GABPB1: variants seen among roughly 807,000 people sequenced by gnomAD.
GABPB1 encodes GA binding protein transcription factor subunit beta 1, also known as GA-binding protein subunit beta-1.
In GABPB1, 15 loss-of-function variants were observed where a neutral mutation model predicts 45.9. The ratio of observed to expected loss-of-function variants is 0.33; its 90% CI spans 0.22 to 0.50. The LOEUF is 0.50. Among genes scored for constraint, GABPB1 ranks in the 20% least tolerant of loss-of-function variants. The pLI is 0.98. For missense variants in GABPB1, 252 were observed against 457.5 expected (o/e 0.55, Z 4.10); for synonymous variants, 143 against 154.4 (o/e 0.93, Z 0.55).
intron 8 of GABPB1, chr15:50,282,236 C>T: frequency 2.2e-6 from 1 of 451,256 alleles, no homozygotes; most frequent in Middle Eastern, 3.3e-4. Flanking sequence ...TACATACATA[C>T]ATAAAAACAC....
At chr15:50,325,159 T>A (rs2047705478) in intron 1 of GABPB1, among the ~76,000 whole-genome samples, 1 of 152,112 alleles carries the variant, frequency 6.6e-6, no homozygotes, top group Admixed American at 6.6e-5. Context: ...TTTGAGAGTG[T>A]CAGGATGAAA....
intron 2 of GABPB1, among the ~76,000 whole-genome samples, chr15:50,307,430 A>G (rs1415160735): frequency 6.6e-6 from 1 of 152,118 alleles, no homozygotes; most frequent in African/African-American, 2.4e-5. Context: ...TGTATTATGG[A>G]TACTAATCCT....
At chr15:50,286,655 A>G (rs2046166019) in intron 7 of GABPB1, among the ~76,000 whole-genome samples, 1 of 152,154 alleles carries the variant, frequency 6.6e-6, no homozygotes, top group Non-Finnish European at 1.5e-5. Context: ...AAATACTTAT[A>G]ATATCTTACA....
chr15:50,343,773 A>C (rs189647173), intron 1 of GABPB1, among the ~76,000 whole-genome samples: 1 of 151,676 alleles, frequency 6.6e-6, no homozygotes, highest in African/African-American at 2.4e-5. Flanking sequence ...TCCTGACCTC[A>C]TGATCTGCCC....
chr15:50,282,162 T>C (rs2045996770), intron 8 of GABPB1: 1 of 386,680 alleles, frequency 2.6e-6, no homozygotes, highest in African/African-American at 2.2e-5. Context: ...ATTGCACCAC[T>C]GCACTCCAGC....
At position 50,309,673 on chromosome 15, in the gene GABPB1, A is replaced by G. The variant is rs2047064584; in HGVS notation, c.108+18T>C. Reference sequence around the variant, plus strand: ...ATGAGAAGGAAAAAGAACACACAATATTAAAATCATTCTTTACCCAGTCTG... The same window carrying G: ...ATGAGAAGGAAAAAGAACACACAATGTTAAAATCATTCTTTACCCAGTCTG... On this transcript the variant is annotated intron_variant, in intron 2 of 8. Coordinates refer to ENST00000380877, the MANE Select transcript of GABPB1 (RefSeq NM_016654.5). 1 of 1,394,390 alleles carries G rather than the reference A, an allele frequency of 7.2e-7. No individual in the cohort carries two copies. 86.4% of individuals were successfully genotyped at this position (1,394,390 alleles called of 1,614,324 possible).
In GABPB1 at chr15:50,335,485, T is replaced by C. The variant is rs182166300; in HGVS notation, c.-1+19500A>G. Among the ~76,000 whole-genome samples the C allele has an allele frequency of 7.4e-4, 112 of 152,326 alleles. 2 individuals are homozygous for C. The highest frequency in any genetic ancestry group is 2.4e-3 in the African/African-American group (101 of 41,572). The stretch of plus-strand genomic sequence containing the variant: ...CAGTTCGCCAGATAGTCTGTTAACT[T>C]CCTGCTTTAGGCTTTCTTCCAGAAT... On this transcript the variant is annotated intron_variant, in intron 1 of 8. Coordinates refer to ENST00000380877, the MANE Select transcript of GABPB1 (RefSeq NM_016654.5).
At chr15:50,345,327 G>GT (rs955152716) in intron 1 of GABPB1, among the ~76,000 whole-genome samples, 1 of 152,188 alleles carries the variant, frequency 6.6e-6, no homozygotes, top group African/African-American at 2.4e-5. Flanking sequence ...CCAAAACTGC[G>GT]TAAGTTAGGA....
chr15:50,345,241 T>C (rs557223903), intron 1 of GABPB1, among the ~76,000 whole-genome samples: 8 of 152,278 alleles, frequency 5.3e-5, no homozygotes, highest in African/African-American at 1.9e-4. Context: ...ATATACTAGC[T>C]GAAAAGAGTC....
At chr15:50,337,629 G>C (rs1324127007) in intron 1 of GABPB1, among the ~76,000 whole-genome samples, 1 of 151,934 alleles carries the variant, frequency 6.6e-6, no homozygotes, top group Non-Finnish European at 1.5e-5. Context: ...AGCCAGGTGT[G>C]GTGGTGCGAT....
At chr15:50,315,845 A>C (rs535146357) in intron 1 of GABPB1, among the ~76,000 whole-genome samples, 185 of 152,284 alleles carry the variant, frequency 1.2e-3, no homozygotes, top group African/African-American at 4.3e-3. Context: ...GAGGCCGAGA[A>C]GGGAAGATCA....
intron 1 of GABPB1, among the ~76,000 whole-genome samples, chr15:50,323,300 A>G (rs986535162): frequency 6.6e-6 from 1 of 152,230 alleles, no homozygotes; most frequent in Non-Finnish European, 1.5e-5. Context: ...TTGGTACTGC[A>G]GTAGTTCCTG....
chr15:50,348,477 T>C (rs1053565416), intron 1 of GABPB1, among the ~76,000 whole-genome samples: 21 of 151,860 alleles, frequency 1.4e-4, no homozygotes, highest in Admixed American at 3.3e-4. Flanking sequence ...TCTCGAATTC[T>C]TGACCTCAAG....
chr15:50,346,244 G>A (rs2048574182), intron 1 of GABPB1: 1 of 152,164 alleles, frequency 6.6e-6, no homozygotes, highest in Admixed American at 6.5e-5. Flanking sequence ...AAGAGTTAAA[G>A]AGGAAGAAGG....
chr15:50,349,638 C>T (rs948784910), intron 1 of GABPB1: 17 of 152,260 alleles, frequency 1.1e-4, no homozygotes, highest in African/African-American at 4.1e-4. Context: ...TTTCTCTACT[C>T]AATTGATATT....
intron 6 of GABPB1, among the ~76,000 whole-genome samples, chr15:50,291,484 A>ATTT (rs537438110): frequency 7.1e-6 from 1 of 140,082 alleles, no homozygotes. Context: ...ACGCCTGGTA[A>ATTT]TTTTTTTTTT....
intron 6 of GABPB1, among the ~76,000 whole-genome samples, chr15:50,294,212 T>A (rs2046438742): frequency 6.6e-6 from 1 of 152,132 alleles, no homozygotes; most frequent in South Asian, 2.1e-4. Flanking sequence ...TAGAAACATT[T>A]AAATAATAAA....
chr15:50,348,859 T>C (rs2048710734), intron 1 of GABPB1: 1 of 151,824 alleles, frequency 6.6e-6, no homozygotes. Context: ...AGACTCCATC[T>C]CAAAAAAAAA....
intron 1 of GABPB1, among the ~76,000 whole-genome samples, chr15:50,348,067 T>C (rs918762065): frequency 1.0e-5 from 1 of 98,912 alleles, no homozygotes; most frequent in Non-Finnish European, 2.0e-5. Flanking sequence ...GAATCACTAC[T>C]ATAGTAAACC....
Sources: allele counts gnomAD v4.1 joint callset (sites outside exome capture counted in the v4.1 genomes callset), GRCh38; gene constraint gnomAD v4.1.1; transcripts MANE v1.5; gene names NCBI Gene and HGNC (gene_info 2026-07-23, HGNC 2026-07-21).